TAS2R4: variants seen among roughly 807,000 people sequenced by gnomAD.
TAS2R4 encodes taste receptor type 2 member 4.
A neutral mutation model predicts 14.3 loss-of-function variants in TAS2R4; 18 were observed. The observed-to-expected ratio is 1.26, with a 90% CI of 0.87 to 1.86. The LOEUF (loss-of-function observed/expected upper bound fraction) is 1.86. TAS2R4 is among the 40% of genes most tolerant of loss of function. TAS2R4 has a pLI of 0.00. For synonymous variants in TAS2R4, 130 were observed against 138.5 expected (o/e 0.94, Z 0.43); for missense variants, 306 against 342.7 (o/e 0.89, Z 0.85).
At position 141,776,799 on chromosome 7, in the gene TAS2R4, A is replaced by G. The variant is rs547000531; in HGVS notation, c.-1690A>G. On this transcript the variant is annotated 5_prime_UTR_variant, in exon 1 of 1. Coordinates refer to ENST00000247881, the MANE Select transcript of TAS2R4 (RefSeq NM_016944.2). Reference sequence around the variant, plus strand: ...ATAGGTCAAATTCTCATGCATAGGGAGAAAGGGTTCTGCTAACACTTTTCC... The same window carrying G: ...ATAGGTCAAATTCTCATGCATAGGGGGAAAGGGTTCTGCTAACACTTTTCC... Among the ~76,000 whole-genome samples the G allele has an allele frequency of 6.6e-6, 1 of 152,196 alleles. No homozygotes were observed. The highest frequency in any genetic ancestry group is 1.9e-4 in the East Asian group (1 of 5,170).
rs1346336055 is a variant in TAS2R4 at position 141,779,541 on chromosome 7, A to C, written c.*153A>C. 1.4e-6 allele frequency: 1 copy of C among 705,988 alleles called. No homozygotes were observed. The highest frequency in any genetic ancestry group is 2.0e-6 in the Non-Finnish European group (1 of 493,092). 43.7% of individuals were successfully genotyped at this position (705,988 alleles called of 1,614,324 possible). A position where few individuals can be genotyped will look rare whatever the true frequency, so the allele number is the denominator to read the frequency against. On this transcript the variant is annotated 3_prime_UTR_variant, in exon 1 of 1. Coordinates refer to ENST00000247881, the MANE Select transcript of TAS2R4 (RefSeq NM_016944.2). ...GTGCCTGAATTTCAGTTCATTCTGT[A>C]ATTTTTTTTTTTTGGTATGTAAGTA...
In TAS2R4 at chr7:141,781,466, A is replaced by G. The variant is rs372831464; in HGVS notation, c.*2078A>G. Among the ~76,000 whole-genome samples, 29 of 152,296 alleles carry G rather than the reference A, an allele frequency of 1.9e-4. 1 individual carries two copies. The South Asian group carries it at 4.8e-3, about 25-fold the overall frequency. Reference sequence around the variant, plus strand: ...ATACCTTAAATATACACAATAATATATATCTTTATGATGAAATAGTATGTA... The same window carrying G: ...ATACCTTAAATATACACAATAATATGTATCTTTATGATGAAATAGTATGTA... On this transcript the variant is annotated 3_prime_UTR_variant, in exon 1 of 1. Coordinates refer to ENST00000247881, the MANE Select transcript of TAS2R4 (RefSeq NM_016944.2).
chr7:141,778,580 A>G lies in TAS2R4; in HGVS notation c.92A>G (p.Asn31Ser), dbSNP rs764737122. ...IIMNLFITVV[N>S]CKTWVKSHRI... is the part of the protein sequence containing the mutation. ...ATGAATCTGTTTATTACAGTGGTCA[A>G]TTGCAAAACTTGGGTCAAAAGCCAT... Residue 31 changes from asparagine (N) to serine (S), a missense_variant, in exon 1 of 1, where the codon AAT (asparagine) becomes AGT (serine). Transcript: ENST00000247881. 2.5e-5 allele frequency: 40 copies of G among 1,614,068 alleles called. No homozygotes were observed. The Admixed American group carries it at 5.7e-4, about 23-fold the overall frequency.
rs771343675 is a variant in TAS2R4 at position 141,777,168 on chromosome 7, C to T, written c.-1321C>T. The stretch of plus-strand genomic sequence containing the variant: ...TAGTCTTCCTGGCTCATTCTGTTTG[C>T]CTGCTTACCTGATGTGGGCATGCCT... On this transcript the variant is annotated 5_prime_UTR_variant, in exon 1 of 1. Transcript: ENST00000247881. Among the ~76,000 whole-genome samples, 41 of 152,118 alleles carry T rather than the reference C, an allele frequency of 2.7e-4. No homozygotes were observed. Among genetic ancestry groups the T allele is most frequent in the Admixed American group, 1.7e-3 (26 of 15,272 alleles).
rs754168025 is a variant in TAS2R4, at chr7:141,778,833, C to G, written c.345C>G (p.His115Gln). The change falls in exon 1 of 1, where the codon CAC becomes CAG. Residue 115 changes from histidine to glutamine, a missense_variant. His to Gln is a conservative substitution (Grantham distance 24, BLOSUM62 0). Coordinates refer to ENST00000247881, the MANE Select transcript of TAS2R4 (RefSeq NM_016944.2). Reference sequence around the variant, plus strand: ...GTGTGAAGATTACTAACTTCCAACACTCAGTGTTTCTCCTGCTGAAGCGGA... The same window carrying G: ...GTGTGAAGATTACTAACTTCCAACAGTCAGTGTTTCTCCTGCTGAAGCGGA... ...LYCVKITNFQ[H>Q]SVFLLLKRNI... The G allele has an allele frequency of 4.4e-5, 71 of 1,614,096 alleles. No individual in the cohort carries two copies. The highest frequency in any genetic ancestry group is 5.7e-5 in the Non-Finnish European group (67 of 1,180,046).
Position 141,778,900 on chromosome 7 carries a change from C to G in TAS2R4, c.412C>G (p.Leu138Val). Reference protein sequence around the residue: ...KIPRLLLACVLISAFTTCLYI... With the variant: ...KIPRLLLACVVISAFTTCLYI... ...CCCCAGGCTGCTGCTGGCCTGTGTGCTGATTTCTGCTTTCACCACTTGCCT... is the reference window on the plus strand; with the variant it reads ...CCCCAGGCTGCTGCTGGCCTGTGTGGTGATTTCTGCTTTCACCACTTGCCT... Residue 138 changes from leucine to valine, a missense_variant, in exon 1 of 1, where the codon CTG becomes GTG. Leu to Val is a conservative substitution (Grantham distance 32). Transcript: ENST00000247881. 6.2e-7 allele frequency: 1 copy of G among 1,614,202 alleles called. No homozygotes were observed. The highest frequency in any genetic ancestry group is 8.5e-7 in the Non-Finnish European group (1 of 1,180,034).
chr7:141,778,504 T>C lies in TAS2R4; in HGVS notation c.16T>C (p.Tyr6His). ...ATGAGTAAAGATGCTTCGGTTATTC[T>C]ATTTCTCTGCTATTATTGCCTCAGT... MLRLF[Y>H]FSAIIASVIL... Residue 6 changes from tyrosine to histidine, a missense_variant, in exon 1 of 1, where the codon TAT becomes CAT. Tyr to His is a moderately conservative substitution (Grantham distance 83). Coordinates refer to ENST00000247881, the MANE Select transcript of TAS2R4 (RefSeq NM_016944.2). 1 of 1,612,392 alleles carries C rather than the reference T, an allele frequency of 6.2e-7. No homozygotes were observed.
rs570345888 is a variant in TAS2R4, at chr7:141,781,166, C to T, written c.*1778C>T. Reference sequence around the variant, plus strand: ...GTACTTCGGAGCAGTCCTACCTTCCCTTCTTTAATCTTTTCTTTGTTACTC... The same window carrying T: ...GTACTTCGGAGCAGTCCTACCTTCCTTTCTTTAATCTTTTCTTTGTTACTC... On this transcript the variant is annotated 3_prime_UTR_variant, in exon 1 of 1. Transcript: ENST00000247881. 6.6e-6 allele frequency among the ~76,000 whole-genome samples: 1 copy of T among 152,276 alleles called. No individual in the cohort carries two copies. Among genetic ancestry groups the T allele is most frequent in the South Asian group, 2.1e-4 (1 of 4,806 alleles).
At position 141,776,931 on chromosome 7, in the gene TAS2R4, C is replaced by A. The variant is rs1019818576; in HGVS notation, c.-1558C>A. Among the ~76,000 whole-genome samples the A allele has an allele frequency of 6.6e-6, 1 of 152,118 alleles. No individual in the cohort carries two copies. The highest frequency in any genetic ancestry group is 2.4e-5 in the African/African-American group (1 of 41,432). On this transcript the variant is annotated 5_prime_UTR_variant, in exon 1 of 1. Coordinates refer to ENST00000247881, the MANE Select transcript of TAS2R4 (RefSeq NM_016944.2). ...TATAGCACTTCCTCCTACAGAGAAC[C>A]CAACAATTTGGTATAGTACATTCTA...
rs1390490586 is a variant in TAS2R4, at chr7:141,781,643, GTAAT to G, written c.*2258_*2261del. Among the ~76,000 whole-genome samples the G allele has an allele frequency of 2.6e-5, 4 of 151,776 alleles. No homozygotes were observed. Among genetic ancestry groups the G allele is most frequent in the Non-Finnish European group, 5.9e-5 (4 of 67,936 alleles). ...AAGGAAATATATAAAAATGTAAACA[GTAAT>G]TATTTTAGGTGGGAGGAATCAATAA... On this transcript the variant is annotated 3_prime_UTR_variant, in exon 1 of 1. Coordinates refer to ENST00000247881, the MANE Select transcript of TAS2R4 (RefSeq NM_016944.2).
chr7:141,777,628 G>A lies in TAS2R4; in HGVS notation c.-861G>A, dbSNP rs1800259645. ...ACAAAACTACAACTAATGCATTACT[G>A]TGTATCTCATTCCAGGGTACCTGGA... On this transcript the variant is annotated 5_prime_UTR_variant, in exon 1 of 1. The change creates a new upstream start codon in the 5' untranslated region. Transcript: ENST00000247881. Among the ~76,000 whole-genome samples, 2 of 152,292 alleles carry A rather than the reference G, an allele frequency of 1.3e-5. No homozygotes were observed. Among genetic ancestry groups the A allele is most frequent in the East Asian group, 3.9e-4 (2 of 5,174 alleles).
At position 141,779,300 on chromosome 7, in the gene TAS2R4, T is replaced by A. The variant is rs923306593; in HGVS notation, c.812T>A (p.Leu271His). ...TKSICLIFAT[L>H]YSPGHSVLII... The stretch of plus-strand genomic sequence containing the variant: ...TCCATTTGTCTGATTTTTGCCACCC[T>A]TTACTCTCCAGGACATTCTGTTCTC... The change falls in exon 1 of 1, where the codon CTT becomes CAT. Residue 271 changes from leucine (L) to histidine (H), a missense_variant. Coordinates refer to ENST00000247881, the MANE Select transcript of TAS2R4 (RefSeq NM_016944.2). The A allele has an allele frequency of 6.2e-7, 1 of 1,614,192 alleles. No individual in the cohort carries two copies. Among genetic ancestry groups the A allele is most frequent in the African/African-American group, 1.3e-5 (1 of 75,058 alleles).
At position 141,778,649 on chromosome 7, in the gene TAS2R4, C is replaced by T. The variant is rs1223902698; in HGVS notation, c.161C>T (p.Thr54Ile). 2 of 1,614,204 alleles carry T rather than the reference C, an allele frequency of 1.2e-6. No individual in the cohort carries two copies. Among genetic ancestry groups the T allele is most frequent in the African/African-American group, 1.3e-5 (1 of 75,034 alleles). Reference sequence around the variant, plus strand: ...AGGATTCTGTTCAGCCTGGGCATCACCAGGTTTCTTATGCTGGGACTATTT... The same window carrying T: ...AGGATTCTGTTCAGCCTGGGCATCATCAGGTTTCTTATGCTGGGACTATTT... ...SDRILFSLGITRFLMLGLFLV... is the reference protein window; with the variant it reads ...SDRILFSLGIIRFLMLGLFLV... The change falls in exon 1 of 1, where the codon ACC becomes ATC. Residue 54 changes from threonine (T) to isoleucine (I), a missense_variant. Transcript: ENST00000247881.
chr7:141,778,269 G>A lies in TAS2R4; in HGVS notation c.-220G>A, dbSNP rs1800269087. Among the ~76,000 whole-genome samples the A allele has an allele frequency of 6.6e-6, 1 of 152,164 alleles. No individual in the cohort carries two copies. The highest frequency in any genetic ancestry group is 1.5e-5 in the Non-Finnish European group (1 of 68,038). On this transcript the variant is annotated 5_prime_UTR_variant, in exon 1 of 1. Coordinates refer to ENST00000247881, the MANE Select transcript of TAS2R4 (RefSeq NM_016944.2). Reference sequence around the variant, plus strand: ...TGCTGTAATTAGGCATTTCTAAGGAGAACAGGATACTAATGAAGAAATAGT... The same window carrying A: ...TGCTGTAATTAGGCATTTCTAAGGAAAACAGGATACTAATGAAGAAATAGT...
rs748826536 is a variant in TAS2R4 at position 141,777,784 on chromosome 7, G to A, written c.-705G>A. ...AACCAGAACATAGCAAATGGTTATG[G>A]CACAAATCTATGTATGTAGATAGAG... On this transcript the variant is annotated 5_prime_UTR_variant, in exon 1 of 1. Coordinates refer to ENST00000247881, the MANE Select transcript of TAS2R4 (RefSeq NM_016944.2). Among the ~76,000 whole-genome samples the A allele has an allele frequency of 1.5e-5, 2 of 133,228 alleles. No homozygotes were observed. Among genetic ancestry groups the A allele is most frequent in the African/African-American group, 5.1e-5 (2 of 39,362 alleles). 87.4% of individuals were successfully genotyped at this position (133,228 alleles called of 152,430 possible).
rs769705345 is a variant in TAS2R4 at position 141,778,875 on chromosome 7, C to A, written c.387C>A (p.Ile129=). 3.1e-6 allele frequency: 5 copies of A among 1,614,174 alleles called. No individual in the cohort carries two copies. The highest frequency in any genetic ancestry group is 2.2e-5 in the South Asian group (2 of 91,076). ...TGAAGCGGAATATCTCCCCAAAGATCCCCAGGCTGCTGCTGGCCTGTGTGC... is the reference window on the plus strand; with the variant it reads ...TGAAGCGGAATATCTCCCCAAAGATACCCAGGCTGCTGCTGGCCTGTGTGC... ...LLLKRNISPK[I]PRLLLACVLI... Residue 129 remains isoleucine (I), a synonymous_variant, in exon 1 of 1, where the codon ATC becomes ATA. Coordinates refer to ENST00000247881, the MANE Select transcript of TAS2R4 (RefSeq NM_016944.2).
In TAS2R4 at chr7:141,777,429, G is replaced by C. The variant is rs138253632; in HGVS notation, c.-1060G>C. Among the ~76,000 whole-genome samples the C allele has an allele frequency of 3.3e-5, 5 of 152,280 alleles. No individual in the cohort carries two copies. Among genetic ancestry groups the C allele is most frequent in the Non-Finnish European group, 7.3e-5 (5 of 68,032 alleles). On this transcript the variant is annotated 5_prime_UTR_variant, in exon 1 of 1. Transcript: ENST00000247881. The stretch of plus-strand genomic sequence containing the variant: ...TGATGCTACTTTGGTAACATCTGTG[G>C]CTGCATCCAGGATTGCACCTTGGTT...
At position 141,777,033 on chromosome 7, in the gene TAS2R4, C is replaced by A. The variant is rs1308326736; in HGVS notation, c.-1456C>A. ...TTATCTGTTATGGCTTACTCTATAT[C>A]ATTTATTCTATTTAAATGTGATGTT... On this transcript the variant is annotated 5_prime_UTR_variant, in exon 1 of 1. It introduces an in-frame stop codon into an upstream open reading frame of the 5' UTR. Coordinates refer to ENST00000247881, the MANE Select transcript of TAS2R4 (RefSeq NM_016944.2). 6.6e-6 allele frequency among the ~76,000 whole-genome samples: 1 copy of A among 152,160 alleles called. No homozygotes were observed. The highest frequency in any genetic ancestry group is 1.5e-5 in the Non-Finnish European group (1 of 68,028).
At position 141,778,112 on chromosome 7, in the gene TAS2R4, CG is replaced by C. The variant is rs1463596684; in HGVS notation, c.-376del. Among the ~76,000 whole-genome samples the C allele has an allele frequency of 6.6e-6, 1 of 152,110 alleles. No individual in the cohort carries two copies. Among genetic ancestry groups the C allele is most frequent in the Admixed American group, 6.5e-5 (1 of 15,270 alleles). On this transcript the variant is annotated 5_prime_UTR_variant, in exon 1 of 1. The change creates a premature stop within an existing upstream ORF in the 5' untranslated region. Transcript: ENST00000247881. ...GCATTTTTATGAAGAAAAACTTTACCGTAAAACATTGACAGAAACATTGCTG... is the reference window on the plus strand; with the variant it reads ...GCATTTTTATGAAGAAAAACTTTACCTAAAACATTGACAGAAACATTGCTG...
Sources: allele counts gnomAD v4.1 joint callset (sites outside exome capture counted in the v4.1 genomes callset), GRCh38; gene constraint gnomAD v4.1.1; transcripts MANE v1.5; gene names NCBI Gene and HGNC (gene_info 2026-07-23, HGNC 2026-07-21).